Variants in SLC24A4 observed in about 807,000 individuals in gnomAD.
SLC24A4 encodes solute carrier family 24 member 4, also known as sodium/potassium/calcium exchanger 4.
In SLC24A4, 53 loss-of-function variants were observed where a neutral mutation model predicts 79.0. That is an observed-to-expected ratio of 0.67 (90% confidence interval 0.54 to 0.84). The LOEUF is 0.84. SLC24A4 is among the 40% of genes least tolerant of loss of function. The pLI, the probability that SLC24A4 is intolerant of heterozygous loss-of-function variation, is 0.00. For synonymous variants in SLC24A4, 323 were observed against 323.8 expected, an observed-to-expected ratio of 1.00 and a Z score of 0.03; for missense variants, 731 against 822.0, an observed-to-expected ratio of 0.89 and a Z score of 1.35.
Position 92,439,535 on chromosome 14 carries a change from C to G in SLC24A4, c.393+126C>G, listed in dbSNP as rs140452280. ...GTGGCAAAGACTGTCACACCGAGCA[C>G]TTAGTGTCTGCCCCATGGCGAAGCC... On this transcript the variant is annotated intron_variant, in intron 4 of 16. Transcript: ENST00000532405. 1.6e-3 allele frequency: 1,365 copies of G among 859,176 alleles called. 17 individuals carry two copies. The African/African-American group carries it at 0.019, about 12-fold the overall frequency. 53.2% of individuals were successfully genotyped at this position (859,176 alleles called of 1,614,324 possible).
In SLC24A4 at chr14:92,395,819, A is replaced by ATTAT. The variant is rs149169968; in HGVS notation, c.242-38074_242-38071dup. On this transcript the variant is annotated intron_variant, in intron 2 of 16. Transcript: ENST00000532405. ...TGAGATGGTTATGGTTTTCATATTTATTATTTATTTATTTATTTATTTTTG... is the reference window on the plus strand; with the variant it reads ...TGAGATGGTTATGGTTTTCATATTTATTATTTATTTATTTATTTATTTATTTTTG... Among the ~76,000 whole-genome samples, 123 of 151,912 alleles carry ATTAT rather than the reference A, an allele frequency of 8.1e-4. 1 individual carries two copies. The South Asian group carries it at 9.1e-3, about 11-fold the overall frequency.
At chr14:92,471,385 G>A (rs994872981) in intron 12 of SLC24A4, among the ~76,000 whole-genome samples, 15 of 152,162 alleles carry the variant, frequency 9.9e-5, no homozygotes, top group African/African-American at 3.6e-4. Context: ...TTTGCATGTT[G>A]TGGTCCAGAC....
chr14:92,420,642 T>C (rs970536180), intron 2 of SLC24A4, among the ~76,000 whole-genome samples: 3 of 152,202 alleles, frequency 2.0e-5, no homozygotes, highest in African/African-American at 7.2e-5. Context: ...ATTCTCACAA[T>C]GTCAAGGTGC....
chr14:92,369,995 CA>C (rs200853349), intron 2 of SLC24A4, among the ~76,000 whole-genome samples: 2,004 of 152,190 alleles, frequency 0.013, 46 homozygotes, highest in African/African-American at 0.046. Context: ...AATGGTTTCA[CA>C]AAAGAAATGT....
At chr14:92,335,685 A>C (rs951758419) in intron 2 of SLC24A4, among the ~76,000 whole-genome samples, 5 of 152,116 alleles carry the variant, frequency 3.3e-5, no homozygotes, top group African/African-American at 2.4e-5. Context: ...GTTTTGATAG[A>C]TGTGTGATGT....
chr14:92,412,032 G>A (rs1299313500), intron 2 of SLC24A4, among the ~76,000 whole-genome samples: 3 of 152,134 alleles, frequency 2.0e-5, no homozygotes, highest in African/African-American at 4.8e-5. Context: ...TGGGCATGGC[G>A]GGATCAGGAT....
intron 2 of SLC24A4, among the ~76,000 whole-genome samples, chr14:92,387,833 AT>A (rs1174270940): frequency 3.3e-5 from 5 of 152,228 alleles, no homozygotes; most frequent in Non-Finnish European, 7.3e-5. Context: ...TGACCAGCGT[AT>A]TTCACTTAGC....
chr14:92,336,476 G>A (rs1340104323), intron 2 of SLC24A4, among the ~76,000 whole-genome samples: 2 of 152,190 alleles, frequency 1.3e-5, no homozygotes, highest in Non-Finnish European at 2.9e-5. Flanking sequence ...TTGGAGGTGG[G>A]AACGCATGGC....
intron 2 of SLC24A4, among the ~76,000 whole-genome samples, chr14:92,359,671 G>GTAAT (rs951110193): frequency 1.3e-5 from 2 of 152,076 alleles, no homozygotes; most frequent in African/African-American, 4.8e-5. Context: ...AGTATAACAA[G>GTAAT]TAATTATAAA....
chr14:92,432,552 A>C (rs372281895), intron 2 of SLC24A4, among the ~76,000 whole-genome samples: 1 of 152,150 alleles, frequency 6.6e-6, no homozygotes, highest in African/African-American at 2.4e-5. Flanking sequence ...GTCTCTCCCT[A>C]TGTAATTCTC....
At chr14:92,403,863 C>G (rs1890240866) in intron 2 of SLC24A4, among the ~76,000 whole-genome samples, 1 of 128,570 alleles carries the variant, frequency 7.8e-6, no homozygotes, top group South Asian at 2.8e-4. Context: ...TGCTGTTTTC[C>G]TACATTACAT....
At chr14:92,348,894 G>C (rs1425887476) in intron 2 of SLC24A4, among the ~76,000 whole-genome samples, 2 of 152,166 alleles carry the variant, frequency 1.3e-5, no homozygotes, top group African/African-American at 4.8e-5. Flanking sequence ...AATGTTAACA[G>C]GAGAGAAAGC....
At chr14:92,359,514 G>C (rs976153916) in intron 2 of SLC24A4, among the ~76,000 whole-genome samples, 2 of 151,978 alleles carry the variant, frequency 1.3e-5, no homozygotes, top group African/African-American at 2.4e-5. Context: ...CAGGAGAATC[G>C]CGTGAACCTG....
At chr14:92,377,166 C>T (rs1030317809) in intron 2 of SLC24A4, among the ~76,000 whole-genome samples, 1 of 152,202 alleles carries the variant, frequency 6.6e-6, no homozygotes, top group African/African-American at 2.4e-5. Context: ...AGCTGGGTTT[C>T]GAACTTGGAT....
Position 92,459,209 on chromosome 14 carries a change from A to C in SLC24A4, c.1255+2601A>C, listed in dbSNP as rs929841055. ...AGGATGCCTCATCTTCCCATTCCTTAAGCCCAGAGTTTGACAGGATTGTGC... is the reference window on the plus strand; with the variant it reads ...AGGATGCCTCATCTTCCCATTCCTTCAGCCCAGAGTTTGACAGGATTGTGC... On this transcript the variant is annotated intron_variant, in intron 12 of 16. Coordinates refer to ENST00000532405, the MANE Select transcript of SLC24A4 (RefSeq NM_153646.4). Among the ~76,000 whole-genome samples the C allele has an allele frequency of 4.6e-5, 7 of 152,280 alleles. No homozygotes were observed. In the South Asian group the frequency reaches 1.5e-3, roughly 32 times the overall value.
In SLC24A4 at chr14:92,449,320, A is replaced by T. The variant is rs1164788260; in HGVS notation, c.880+104A>T. The stretch of plus-strand genomic sequence containing the variant: ...CACACACACACACACACACACACAC[A>T]CACCCTCTCACAATGTCCCCCCTCT... On this transcript the variant is annotated intron_variant, in intron 10 of 16. Transcript: ENST00000532405. 3.9e-6 allele frequency: 4 copies of T among 1,016,274 alleles called. No individual in the cohort carries two copies. In the African/African-American group the frequency reaches 7.0e-5, roughly 18 times the overall value. 63.0% of individuals were successfully genotyped at this position (1,016,274 alleles called of 1,614,324 possible).
intron 2 of SLC24A4, among the ~76,000 whole-genome samples, chr14:92,432,894 G>A (rs1595271537): frequency 6.6e-6 from 1 of 152,160 alleles, no homozygotes; most frequent in South Asian, 2.1e-4. Context: ...CATTTATCAA[G>A]CACCCACAAT....
intron 8 of SLC24A4, among the ~76,000 whole-genome samples, chr14:92,446,483 A>G (rs1352068502): frequency 6.6e-6 from 1 of 152,184 alleles, no homozygotes; most frequent in African/African-American, 2.4e-5. Flanking sequence ...CGAGGACATC[A>G]GCCACCTGCC....
intron 2 of SLC24A4, among the ~76,000 whole-genome samples, chr14:92,415,011 C>T (rs1890903758): frequency 6.6e-6 from 1 of 152,202 alleles, no homozygotes. Flanking sequence ...TGGCCTTTCC[C>T]TTGGGTGTGC....
Sources: allele counts gnomAD v4.1 joint callset (sites outside exome capture counted in the v4.1 genomes callset), GRCh38; gene constraint gnomAD v4.1.1; transcripts MANE v1.5; gene names NCBI Gene and HGNC (gene_info 2026-07-23, HGNC 2026-07-21).